The following TTN variants were observed in gnomAD, a reference collection of about 807,000 sequenced individuals.
TTN encodes connectin.
TTN carries 1,525 observed loss-of-function variants against 3,223.0 expected under a neutral mutation model. The observed-to-expected ratio is 0.47, with a 90% CI of 0.45 to 0.49. The LOEUF is 0.49. Among genes scored for constraint, TTN ranks in the 20% least tolerant of loss-of-function variants. The probability of loss-of-function intolerance (pLI) is 0.00; values close to 1 mark genes in which losing one functional copy is unlikely to be tolerated. For missense variants in TTN, 40,786 were observed against 43,424.0 expected (o/e 0.94, Z 5.40); for synonymous variants, 14,094 against 15,161.0 (o/e 0.93, Z 5.17).
chr2:178,535,737 C>T lies in TTN; in HGVS notation c.100878G>A (p.Val33626=). ...KIPFSGKPDP[V]ITWQKGQDLI... ...GATCTTGTCCTTTCTGCCAGGTGAT[C>T]ACAGGATCTGGTTTGCCACTGAAAG... The change falls in exon 358 of 363, where the codon GTG becomes GTA. Residue 33626 remains valine (V), a synonymous_variant. Coordinates refer to ENST00000589042, the MANE Select transcript of TTN (RefSeq NM_001267550.2). 6.2e-7 allele frequency: 1 copy of T among 1,613,612 alleles called. No homozygotes were observed. The highest frequency in any genetic ancestry group is 8.5e-7 in the Non-Finnish European group (1 of 1,179,748).
At chr2:178,621,070 A>G in intron 246 of TTN, 32 bp downstream of exon 246, 1 of 1,607,290 alleles carries the variant, frequency 6.2e-7, no homozygotes, top group Non-Finnish European at 8.5e-7. Context: ...AAACAAACAA[A>G]CAAAAAACCC....
In TTN at chr2:178,560,693, C is replaced by T. The variant is rs1703319018; in HGVS notation, c.85439G>A (p.Gly28480Asp). The T allele has an allele frequency of 1.2e-6, 2 of 1,613,546 alleles. No homozygotes were observed. The highest frequency in any genetic ancestry group is 8.5e-7 in the Non-Finnish European group (1 of 1,179,806). ...TACGATGTAATAGTCGATATCTGCA[C>T]CACCATCTTCTTGGGGACGTCCCCA... is the stretch of plus-strand genomic sequence containing the variant. Reference protein sequence around the residue: ...LSWGRPQEDGGADIDYYIVEK... With the variant: ...LSWGRPQEDGDADIDYYIVEK... Residue 28480 changes from glycine to aspartate, a missense_variant, in exon 326 of 363, where the codon GGT becomes GAT. By Grantham distance (94) the Gly-to-Asp change is moderately conservative. Transcript: ENST00000589042.
chr2:178,599,942 A>T (rs932706599), intron 288 of TTN, 92 bp from the exon 289 acceptor site: 2 of 1,224,722 alleles, frequency 1.6e-6, no homozygotes, highest in African/African-American at 3.1e-5. Flanking sequence ...GTTTGGATCC[A>T]CTGTAGGCAG....
At position 178,567,366 on chromosome 2, in the gene TTN, C is replaced by T. The variant is rs765170810; in HGVS notation, c.78766G>A (p.Ala26256Thr). 3 of 1,594,578 alleles carry T rather than the reference C, an allele frequency of 1.9e-6. No homozygotes were observed. The highest frequency in any genetic ancestry group is 2.3e-5 in the South Asian group (2 of 86,874). The stretch of plus-strand genomic sequence containing the variant: ...TACTGCCCACCATCAATTCTAATTG[C>T]ATCTTTTACAATAAGTAAAGCCTTG... ...DFKALLIVKD[A>T]IRIDGGQYIL... is the part of the protein sequence containing the mutation. The change falls in exon 326 of 363, where the codon GCA (alanine) becomes ACA (threonine). Residue 26256 changes from alanine (A) to threonine (T), a missense_variant. Coordinates refer to ENST00000589042, the MANE Select transcript of TTN (RefSeq NM_001267550.2).
In TTN at chr2:178,802,216, CTTTAGT is replaced by C. The variant is rs1472439594; in HGVS notation, c.211_216del (p.Thr71_Lys72del). The C allele has an allele frequency of 1.1e-5, 17 of 1,614,172 alleles. No individual in the cohort carries two copies. The highest frequency in any genetic ancestry group is 1.4e-5 in the Non-Finnish European group (16 of 1,180,024). On this transcript the variant is annotated inframe_deletion, in exon 3 of 363. Transcript: ENST00000589042. ...TTCAGGGAATATCGTCCACTGTTGG[CTTTAGT>C]CACGGCGGGGATCGTCAGTTTAGCG...
At chr2:178,724,602 A>T in intron 71 of TTN, 64 bp from the exon 72 acceptor site, 2 of 1,451,818 alleles carry the variant, frequency 1.4e-6, no homozygotes, top group Non-Finnish European at 1.8e-6. Flanking sequence ...CTACTATCAC[A>T]TTCACTAAGA....
chr2:178,647,244 T>A, intron 214 of TTN, 100 bp from the exon 215 acceptor site: 3 of 1,200,112 alleles, frequency 2.5e-6, no homozygotes, highest in Non-Finnish European at 3.5e-6. Flanking sequence ...TAACACTCTA[T>A]AACAGATTAT....
In TTN at chr2:178,651,926, C is replaced by T; in HGVS notation, c.39337G>A (p.Ala13113Thr). The change falls in exon 205 of 363, where the codon GCT (alanine) becomes ACT (threonine). Residue 13113 changes from alanine to threonine, a missense_variant. Ala to Thr is a moderately conservative substitution (Grantham distance 58). Transcript: ENST00000589042. ...PEEVALEEPP[A>T]EVVEEPEPAA... ...GGCTCTGGCTCTTCCACAACTTCAGCAGGAGGCTCTTCTAGGGCAACTTCC... is the reference window on the plus strand; with the variant it reads ...GGCTCTGGCTCTTCCACAACTTCAGTAGGAGGCTCTTCTAGGGCAACTTCC... The T allele has an allele frequency of 6.2e-7, 1 of 1,610,250 alleles. No homozygotes were observed. Among genetic ancestry groups the T allele is most frequent in the African/African-American group, 1.3e-5 (1 of 74,944 alleles).
rs2090998347 is a variant in TTN at position 178,768,886 on chromosome 2, C to T, written c.8950G>A (p.Asp2984Asn). 5 of 1,613,866 alleles carry T rather than the reference C, an allele frequency of 3.1e-6. No individual in the cohort carries two copies. Among genetic ancestry groups the T allele is most frequent in the African/African-American group, 1.3e-5 (1 of 74,896 alleles). Residue 2984 changes from aspartate (D) to asparagine (N), a missense_variant, in exon 38 of 363, where the codon GAC becomes AAC. Physicochemically the swap from Asp to Asn is conservative, Grantham distance 23. Transcript: ENST00000589042. The part of the protein sequence containing the change: ...MLKDINAEEK[D>N]TITFEVTVNY... Reference sequence around the variant, plus strand: ...ACTGTCACCTCAAAAGTAATAGTGTCTTTTTCTTCAGCGTTGATGTCTTTC... The same window carrying T: ...ACTGTCACCTCAAAAGTAATAGTGTTTTTTTCTTCAGCGTTGATGTCTTTC...
In TTN at chr2:178,554,693, T is replaced by C; in HGVS notation, c.88654A>G (p.Thr29552Ala). 1 of 1,613,902 alleles carries C rather than the reference T, an allele frequency of 6.2e-7. No homozygotes were observed. The highest frequency in any genetic ancestry group is 1.3e-5 in the African/African-American group (1 of 75,038). Residue 29552 changes from threonine (T) to alanine (A), a missense_variant, in exon 332 of 363, where the codon ACC (threonine) becomes GCC (alanine). Coordinates refer to ENST00000589042, the MANE Select transcript of TTN (RefSeq NM_001267550.2). Reference protein sequence around the residue: ...EFKTVTAEKITLLWRPPADDG... With the variant: ...EFKTVTAEKIALLWRPPADDG... Reference sequence around the variant, plus strand: ...TCAGCTGGAGGCCGCCAGAGAAGGGTGATCTTCTCAGCAGTTACAGTCTTA... The same window carrying C: ...TCAGCTGGAGGCCGCCAGAGAAGGGCGATCTTCTCAGCAGTTACAGTCTTA...
At position 178,577,715 on chromosome 2, in the gene TTN, G is replaced by T. The variant is rs779476151; in HGVS notation, c.68711C>A (p.Thr22904Asn). 2 of 1,613,380 alleles carry T rather than the reference G, an allele frequency of 1.2e-6. No homozygotes were observed. The highest frequency in any genetic ancestry group is 1.7e-6 in the Non-Finnish European group (2 of 1,179,584). ...VNVPECAFTV[T>N]DLVEGGKYEF... The stretch of plus-strand genomic sequence containing the variant: ...ATATTTTCCACCCTCAACAAGGTCA[G>T]TTACAGTAAAGGCACATTCTGGGAC... Residue 22904 changes from threonine to asparagine, a missense_variant, in exon 323 of 363, where the codon ACT becomes AAT. Coordinates refer to ENST00000589042, the MANE Select transcript of TTN (RefSeq NM_001267550.2).
At chr2:178,640,134 C>T in intron 221 of TTN, 24 bp from the exon 222 acceptor site, 9 of 1,601,888 alleles carry the variant, frequency 5.6e-6, no homozygotes, top group Non-Finnish European at 7.7e-6. Flanking sequence ...GAGTAGAGGG[C>T]AGATTATTAC....
chr2:178,775,809 T>G lies in TTN; in HGVS notation c.6055A>C (p.Lys2019Gln), dbSNP rs768354838. Residue 2019 changes from lysine to glutamine, a missense_variant, in exon 28 of 363, where the codon AAG (lysine) becomes CAG (glutamine). Coordinates refer to ENST00000589042, the MANE Select transcript of TTN (RefSeq NM_001267550.2). ...YYEAITAVEL[K>Q]SRKKDESYEE... ...TAGGATTCATCCTTCTTTCGAGACT[T>G]GAGCTCCACAGCGGTAATGGCTTCA... is the stretch of plus-strand genomic sequence containing the variant. The G allele has an allele frequency of 1.2e-6, 2 of 1,613,670 alleles. No homozygotes were observed. The highest frequency in any genetic ancestry group is 1.7e-6 in the Non-Finnish European group (2 of 1,179,850).
chr2:178,583,250 A>C, intron 312 of TTN, 23 bp from the exon 313 acceptor site: 1 of 1,529,738 alleles, frequency 6.5e-7, no homozygotes, highest in Non-Finnish European at 8.8e-7. Context: ...AAGATAAAGG[A>C]CTTAATGTAT....
chr2:178,679,910 T>C lies in TTN; in HGVS notation c.33564A>G (p.Pro11188=). The C allele has an allele frequency of 6.2e-7, 1 of 1,613,136 alleles. No individual in the cohort carries two copies. Among genetic ancestry groups the C allele is most frequent in the Non-Finnish European group, 8.5e-7 (1 of 1,179,372 alleles). The change falls in exon 140 of 363, where the codon CCA becomes CCG. Residue 11188 remains proline (P), a synonymous_variant. Transcript: ENST00000589042. ...EEFITEEEVV[P]VIPVKVPEVP... ...ATCATCTACCTTTGACTGGTATCAC[T>C]GGCACCACTTCTTCCTCAGTTATGA...
Position 178,575,282 on chromosome 2 carries a change from C to T in TTN, c.70850G>A (p.Arg23617Lys). The T allele has an allele frequency of 6.2e-7, 1 of 1,613,388 alleles. No individual in the cohort carries two copies. The highest frequency in any genetic ancestry group is 8.5e-7 in the Non-Finnish European group (1 of 1,179,612). ...AVNSAGRSAP[R>K]ESRPVIVKEQ... ...CTTGACAATGACGGGTCTGCTTTCT[C>T]TAGGGGCACTTCTCCCCGCGCTGTT... is the stretch of plus-strand genomic sequence containing the variant. Residue 23617 changes from arginine to lysine, a missense_variant, in exon 326 of 363, where the codon AGA becomes AAA. By Grantham distance (26) the Arg-to-Lys change is conservative. Coordinates refer to ENST00000589042, the MANE Select transcript of TTN (RefSeq NM_001267550.2). This position sits in a 1 kb window ranked among gnomAD's most constrained non-coding sequence, Gnocchi z 4.0.
rs1159259078 is a variant in TTN, at chr2:178,586,691, T to G, written c.64210A>C (p.Ser21404Arg). Residue 21404 changes from serine to arginine, a missense_variant, in exon 308 of 363, where the codon AGT (serine) becomes CGT (arginine). Ser to Arg is a moderately radical substitution (Grantham distance 110). Coordinates refer to ENST00000589042, the MANE Select transcript of TTN (RefSeq NM_001267550.2). ...GGAKIDGYIT[S>R]YREEEQPADR... Reference sequence around the variant, plus strand: ...GCAGGCTGCTCTTCTTCTCTGTAACTAGTGATGTAGCCATCGATTTTAGCA... The same window carrying G: ...GCAGGCTGCTCTTCTTCTCTGTAACGAGTGATGTAGCCATCGATTTTAGCA... 6.2e-7 allele frequency: 1 copy of G among 1,613,202 alleles called. No individual in the cohort carries two copies. The highest frequency in any genetic ancestry group is 1.7e-5 in the Admixed American group (1 of 59,982).
Position 178,666,901 on chromosome 2 carries a change from T to G in TTN, c.35798A>C (p.Glu11933Ala), listed in dbSNP as rs2066037345. 1 of 1,537,998 alleles carries G rather than the reference T, an allele frequency of 6.5e-7. No individual in the cohort carries two copies. The highest frequency in any genetic ancestry group is 2.1e-5 in the Admixed American group (1 of 46,730). Residue 11933 changes from glutamate to alanine, a missense_variant and splice_region_variant, in exon 163 of 363, where the codon GAG (glutamate) becomes GCG (alanine). Coordinates refer to ENST00000589042, the MANE Select transcript of TTN (RefSeq NM_001267550.2). ...PEIPEHPPTEEFEVFKEVIPE... is the reference protein window; with the variant it reads ...PEIPEHPPTEAFEVFKEVIPE... ...AATGACTTCCTTGAAGACTTCAAACTCTTTAAAGATATTAGTATTTTTTTT... is the reference window on the plus strand; with the variant it reads ...AATGACTTCCTTGAAGACTTCAAACGCTTTAAAGATATTAGTATTTTTTTT...
chr2:178,572,652 T>C lies in TTN; in HGVS notation c.73480A>G (p.Ser24494Gly). Residue 24494 changes from serine to glycine, a missense_variant, in exon 326 of 363, where the codon AGT (serine) becomes GGT (glycine). Physicochemically the swap from Ser to Gly is moderately conservative, Grantham distance 56. Transcript: ENST00000589042. ...TCTACAGTTAGTATATATTTGCCACTGTCAAATCTGTTTACATTTCCAACA... is the reference window on the plus strand; with the variant it reads ...TCTACAGTTAGTATATATTTGCCACCGTCAAATCTGTTTACATTTCCAACA... ...LIVGNVNRFDSGKYILTVENS... is the reference protein window; with the variant it reads ...LIVGNVNRFDGGKYILTVENS... 2 of 1,613,046 alleles carry C rather than the reference T, an allele frequency of 1.2e-6. No homozygotes were observed. Among genetic ancestry groups the C allele is most frequent in the South Asian group, 1.1e-5 (1 of 90,986 alleles).
Sources: gnomAD v4.1 joint callset for allele counts on GRCh38, gnomAD v4.1.1 for gene constraint, Gnocchi (gnomAD v3.1) non-coding constraint, MANE v1.5 for transcripts, NCBI Gene and HGNC (gene_info 2026-07-23, HGNC 2026-07-21) for gene names.